Variants in STARD9 observed in about 807,000 individuals in gnomAD.
STARD9 encodes the protein stAR-related lipid transfer protein 9.
A neutral mutation model predicts 399.8 loss-of-function variants in STARD9; 346 were observed. The ratio of observed to expected loss-of-function variants is 0.87; its 90% CI spans 0.79 to 0.95. The LOEUF is 0.95. Ranked by LOEUF, STARD9 falls within the 40% of genes least tolerant of loss-of-function variation. The pLI is 0.00. For missense variants in STARD9, 5,832 were observed against 5,667.5 expected (o/e 1.03, Z -0.93); for synonymous variants, 2,203 against 2,143.5 (o/e 1.03, Z -0.77).
chr15:42,601,604 C>A (rs2058632553), intron 3 of STARD9, among the ~76,000 whole-genome samples: 1 of 150,620 alleles, frequency 6.6e-6, no homozygotes, highest in Non-Finnish European at 1.5e-5. Flanking sequence ...GACGGGGCGG[C>A]TGGCCGGGTG....
At position 42,682,113 on chromosome 15, in the gene STARD9, GTC is replaced by G. The variant is rs1424751809; in HGVS notation, c.2077_2078del (p.Leu693AlafsTer25). On this transcript the variant is annotated frameshift_variant, in exon 22 of 33. Transcript: ENST00000290607. LOFTEE classifies it high-confidence loss of function. Reference sequence around the variant, plus strand: ...TGTTTTTGGTTCCCAGACCAGCAGTGTCTGCTCAGAGAAGAGACCTGGCTGGC... The same window carrying G: ...TGTTTTTGGTTCCCAGACCAGCAGTGTGCTCAGAGAAGAGACCTGGCTGGC... 1 of 1,536,318 alleles carries G rather than the reference GTC, an allele frequency of 6.5e-7. No individual in the cohort carries two copies. Among genetic ancestry groups the G allele is most frequent in the Admixed American group, 2.0e-5 (1 of 50,960 alleles).
intron 9 of STARD9, among the ~76,000 whole-genome samples, chr15:42,656,698 A>G (rs376389828): frequency 6.6e-6 from 1 of 152,340 alleles, no homozygotes; most frequent in East Asian, 1.9e-4. Flanking sequence ...ATTGGAGACC[A>G]TTATTCTAAG....
intron 13 of STARD9, among the ~76,000 whole-genome samples, chr15:42,664,825 C>G (rs1180122936): frequency 6.7e-6 from 1 of 149,642 alleles, no homozygotes; most frequent in Non-Finnish European, 1.5e-5. Flanking sequence ...CACACACACA[C>G]CCCATACGTA....
intron 3 of STARD9, among the ~76,000 whole-genome samples, chr15:42,621,543 G>A (rs1202312146): frequency 6.6e-6 from 1 of 152,146 alleles, no homozygotes; most frequent in Non-Finnish European, 1.5e-5. Flanking sequence ...ACAGAAAAAG[G>A]AAAGTGACAT....
intron 16 of STARD9, chr15:42,672,603 A>G (rs536507427): frequency 4.6e-5 from 7 of 152,474 alleles, no homozygotes; most frequent in African/African-American, 1.4e-4. Flanking sequence ...TGTGGTCCTC[A>G]GTGCCTGAGC....
Position 42,663,617 on chromosome 15 carries a change from A to T in STARD9, c.1078+127A>T, listed in dbSNP as rs1397201053. ...TGGGACTGGTACTCTATCTCAGAGA[A>T]AGGGCCATGGCCCCAGTGAGTGGGA... On this transcript the variant is annotated intron_variant, in intron 12 of 32. Transcript: ENST00000290607. 8.1e-6 allele frequency: 5 copies of T among 615,842 alleles called. No individual in the cohort carries two copies. In the East Asian group the frequency reaches 1.4e-4, roughly 17 times the overall value. The allele number at this position is 615,842 out of a possible 1,614,324, so 38.1% of individuals were successfully genotyped here. A position where few individuals can be genotyped will look rare whatever the true frequency, so the allele number is the denominator to read the frequency against.
chr15:42,588,497 A>T (rs1472037762), intron 3 of STARD9, among the ~76,000 whole-genome samples: 1 of 152,094 alleles, frequency 6.6e-6, no homozygotes, highest in East Asian at 1.9e-4. Context: ...TGAGTCCCTC[A>T]TTGGTCCCAG....
chr15:42,667,545 A>G (rs4923950), intron 15 of STARD9, among the ~76,000 whole-genome samples: 59,076 of 151,336 alleles, frequency 0.39, 17,554 homozygotes, highest in African/African-American at 0.83. Context: ...GCAATGGTGT[A>G]ATCTCGGCTC....
chr15:42,611,280 A>G (rs1223205137), intron 3 of STARD9, among the ~76,000 whole-genome samples: 1 of 152,230 alleles, frequency 6.6e-6, no homozygotes, highest in Admixed American at 6.5e-5. Context: ...TGTGACAGAA[A>G]CATTATGATC....
Position 42,688,008 on chromosome 15 carries a change from G to A in STARD9, c.6430G>A (p.Val2144Ile). Residue 2144 changes from valine (V) to isoleucine (I), a missense_variant, in exon 23 of 33, where the codon GTC becomes ATC. Coordinates refer to ENST00000290607, the MANE Select transcript of STARD9 (RefSeq NM_020759.3). The part of the protein sequence containing the change: ...EVNSIGNHPQ[V>I]QKITPNPFRS... ...TAACAGCATTGGGAACCATCCCCAGGTCCAGAAAATCACCCCAAACCCCTT... is the reference window on the plus strand; with the variant it reads ...TAACAGCATTGGGAACCATCCCCAGATCCAGAAAATCACCCCAAACCCCTT... 1 of 1,537,488 alleles carries A rather than the reference G, an allele frequency of 6.5e-7. No homozygotes were observed. Among genetic ancestry groups the A allele is most frequent in the South Asian group, 1.2e-5 (1 of 84,058 alleles).
At chr15:42,656,728 A>G (rs79533437) in intron 9 of STARD9, among the ~76,000 whole-genome samples, 5,424 of 152,294 alleles carry the variant, frequency 0.036, 305 homozygotes, top group African/African-American at 0.12. Context: ...TCAGGAATGG[A>G]AAACCAAACG....
At chr15:42,674,278 C>G (rs1041931494) in intron 16 of STARD9, among the ~76,000 whole-genome samples, 162 bp from the exon 17 acceptor site, 1 of 152,048 alleles carries the variant, frequency 6.6e-6, no homozygotes, top group South Asian at 2.1e-4. Context: ...TCAGAACAGC[C>G]GGGACCAAAG....
At chr15:42,717,841 T>A (rs552741284) in intron 29 of STARD9, 46 bp downstream of exon 29, 3 of 1,525,450 alleles carry the variant, frequency 2.0e-6, no homozygotes, top group Admixed American at 3.9e-5. Flanking sequence ...CTTGGTAAGC[T>A]TGTCACCCTG....
chr15:42,702,064 A>G (rs1023455287), intron 26 of STARD9, among the ~76,000 whole-genome samples: 7 of 150,566 alleles, frequency 4.6e-5, no homozygotes, highest in African/African-American at 1.2e-4. Context: ...ACACCTGCTT[A>G]TATCCCCTTC....
chr15:42,633,646 CTTTT>C (rs1245567571), intron 3 of STARD9, among the ~76,000 whole-genome samples: 1 of 138,774 alleles, frequency 7.2e-6, no homozygotes, highest in African/African-American at 2.6e-5. Flanking sequence ...TTCTTTCTTT[CTTTT>C]TTTTTTTTTT....
Position 42,669,322 on chromosome 15 carries a change from G to A in STARD9, c.1482G>A (p.Val494=), listed in dbSNP as rs1234331710. Residue 494 remains valine, a synonymous_variant, in exon 16 of 33, where the codon GTG becomes GTA. Coordinates refer to ENST00000290607, the MANE Select transcript of STARD9 (RefSeq NM_020759.3). ...LEDDVLSTGV[V]LYHLKEGTTK... ...ATGATGTGCTCAGCACAGGTGTTGT[G>A]CTCTATCATCTCAAGGTGAGGAGGC... 9.9e-6 allele frequency: 15 copies of A among 1,519,764 alleles called. No individual in the cohort carries two copies. Among genetic ancestry groups the A allele is most frequent in the Non-Finnish European group, 1.3e-5 (15 of 1,132,808 alleles). 94.1% of individuals were successfully genotyped at this position (1,519,764 alleles called of 1,614,324 possible).
intron 3 of STARD9, among the ~76,000 whole-genome samples, chr15:42,593,335 T>C (rs2058437285): frequency 1.3e-5 from 2 of 152,190 alleles, no homozygotes; most frequent in Non-Finnish European, 2.9e-5. Flanking sequence ...GGTGACTGTG[T>C]GTTTGTAAAA....
intron 20 of STARD9, among the ~76,000 whole-genome samples, chr15:42,676,359 C>T (rs2140174205): frequency 6.6e-6 from 1 of 152,198 alleles, no homozygotes; most frequent in Non-Finnish European, 1.5e-5. Context: ...TGTGTGAGCT[C>T]ATAGTATATG....
chr15:42,713,836 T>C (rs1021364143), intron 26 of STARD9, among the ~76,000 whole-genome samples: 1 of 152,202 alleles, frequency 6.6e-6, no homozygotes, highest in African/African-American at 2.4e-5. Context: ...GGGATATTAC[T>C]CTATAGTTTA....
Sources: gnomAD v4.1 joint callset for allele counts (sites outside exome capture counted in the v4.1 genomes callset) on GRCh38, gnomAD v4.1.1 for gene constraint, MANE v1.5 for transcripts, NCBI Gene and HGNC (gene_info 2026-07-23, HGNC 2026-07-21) for gene names.